NECAB2: variants seen among roughly 807,000 people sequenced by gnomAD.
The protein encoded by NECAB2 is N-terminal EF-hand calcium binding protein 2, also known as N-terminal EF-hand calcium-binding protein 2.
Under a neutral mutation model 51.9 loss-of-function variants are expected in NECAB2, and 68 were observed. The observed-to-expected ratio is 1.31, with a 90% confidence interval of 1.08 to 1.60. The LOEUF is 1.60. Ranked by LOEUF, NECAB2 falls within the 40% of genes most tolerant of loss-of-function variation. The probability of loss-of-function intolerance (pLI) is 0.00; values close to 1 mark genes in which losing one functional copy is unlikely to be tolerated. For missense variants in NECAB2, 854 were observed against 490.3 expected (o/e 1.74, Z -7.00); for synonymous variants, 329 against 203.5 (o/e 1.62, Z -5.25).
At chr16:83,989,794 C>T (rs772996290) in intron 5 of NECAB2, among the ~76,000 whole-genome samples, 1 of 152,204 alleles carries the variant, frequency 6.6e-6, no homozygotes, top group Non-Finnish European at 1.5e-5. Flanking sequence ...CTGTTCCACA[C>T]CACAGAGCAA....
intron 3 of NECAB2, 26 bp downstream of exon 3, chr16:83,978,578 G>GT: frequency 1.3e-6 from 2 of 1,575,884 alleles, no homozygotes; most frequent in Non-Finnish European, 1.7e-6. Context: ...GGCTGGCAGA[G>GT]TGGGGGTGTG....
At chr16:83,976,568 T>G (rs113425240) in intron 2 of NECAB2, among the ~76,000 whole-genome samples, 13 of 152,184 alleles carry the variant, frequency 8.5e-5, no homozygotes, top group African/African-American at 2.7e-4. Context: ...ATCTCGTGGC[T>G]GACTTTGCGG....
In NECAB2 at chr16:83,968,772, CG is replaced by C; in HGVS notation, c.127del (p.Glu43SerfsTer98). 9.1e-7 allele frequency: 1 copy of C among 1,099,788 alleles called. No individual in the cohort carries two copies. Among genetic ancestry groups the C allele is most frequent in the Non-Finnish European group, 1.1e-6 (1 of 905,930 alleles). 68.1% of individuals were successfully genotyped at this position (1,099,788 alleles called of 1,614,324 possible). On this transcript the variant is annotated frameshift_variant, in exon 1 of 13. Transcript: ENST00000305202. LOFTEE classifies it high-confidence loss of function. ...RWVGARMGEPRESLAPAAPAD... is the reference protein window; with the variant it reads ...RWVGARMGEPXESLAPAAPAD... ...GGTGGGCGCCAGGATGGGCGAGCCC[CG>C]GGAGTCGCTGGCCCCCGCCGCCCCC...
chr16:83,979,689 G>C (rs895899857), intron 3 of NECAB2, among the ~76,000 whole-genome samples: 2 of 151,982 alleles, frequency 1.3e-5, no homozygotes, highest in African/African-American at 4.8e-5. Context: ...TAGAGGAGGG[G>C]GTGGAGGCGG....
At chr16:83,984,645 C>A (rs1484306007) in intron 5 of NECAB2, among the ~76,000 whole-genome samples, 1 of 152,094 alleles carries the variant, frequency 6.6e-6, no homozygotes, top group East Asian at 1.9e-4. Flanking sequence ...GTGAGAGGAT[C>A]TCTGGAGCCT....
chr16:83,995,912 G>C (rs374770042), intron 8 of NECAB2, among the ~76,000 whole-genome samples: 1 of 152,198 alleles, frequency 6.6e-6, no homozygotes, highest in Non-Finnish European at 1.5e-5. Flanking sequence ...CGGGCGCCTC[G>C]GGAGGGAGAC....
At chr16:83,998,481 C>T (rs185364070) in intron 10 of NECAB2, among the ~76,000 whole-genome samples, 164 bp downstream of exon 10, 46 of 152,292 alleles carry the variant, frequency 3.0e-4, no homozygotes, top group African/African-American at 1.0e-3. Flanking sequence ...ACTGAGGTTC[C>T]TCCCAGCCAA....
At chr16:83,976,809 A>T (rs912631435) in intron 2 of NECAB2, among the ~76,000 whole-genome samples, 2 of 152,220 alleles carry the variant, frequency 1.3e-5, no homozygotes, top group Admixed American at 6.5e-5. Context: ...AAGTGGTGGC[A>T]TGAAACCTTG....
upstream of NECAB2, chr16:83,965,706 A>G: frequency 6.2e-7 from 1 of 1,613,644 alleles, no homozygotes; most frequent in South Asian, 1.1e-5. Context: ...GCCGTGTTCC[A>G]GGACCTCGAG....
intron 6 of NECAB2, 34 bp from the exon 7 acceptor site, chr16:83,994,267 GC>G: frequency 6.2e-7 from 1 of 1,604,302 alleles, no homozygotes; most frequent in Non-Finnish European, 8.5e-7. Flanking sequence ...TGAAGCCACC[GC>G]CATGGTCTGT....
intron 1 of NECAB2, among the ~76,000 whole-genome samples, chr16:83,970,729 T>A (rs1381488561): frequency 6.6e-6 from 1 of 152,152 alleles, no homozygotes; most frequent in Non-Finnish European, 1.5e-5. Context: ...CTCAGTACCC[T>A]CCTTGTTAAA....
intron 8 of NECAB2, among the ~76,000 whole-genome samples, chr16:83,995,800 C>T (rs1282147342): frequency 6.6e-6 from 1 of 152,216 alleles, no homozygotes; most frequent in Non-Finnish European, 1.5e-5. Context: ...CAAACTTCCC[C>T]TCCTGCAGGG....
upstream of NECAB2, among the ~76,000 whole-genome samples, chr16:83,967,999 TGGAC>T (rs2084306450): frequency 6.6e-6 from 1 of 150,968 alleles, no homozygotes; most frequent in Non-Finnish European, 1.5e-5. Context: ...GATGGATGGA[TGGAC>T]GGACAGGTGG....
At chr16:83,996,464 C>A (rs113549154) in intron 8 of NECAB2, among the ~76,000 whole-genome samples, 1 of 152,160 alleles carries the variant, frequency 6.6e-6, no homozygotes, top group Non-Finnish European at 1.5e-5. Flanking sequence ...TATTAGCTGG[C>A]GTGCTTTACC....
intron 3 of NECAB2, among the ~76,000 whole-genome samples, chr16:83,980,556 C>T (rs915520699): frequency 1.3e-5 from 2 of 152,104 alleles, no homozygotes; most frequent in Non-Finnish European, 2.9e-5. Context: ...CTTTCCTGGC[C>T]CCCAGCTTGG....
At chr16:83,971,930 G>C in intron 1 of NECAB2, 1 of 618,292 alleles carries the variant, frequency 1.6e-6, no homozygotes, top group South Asian at 2.0e-5. Context: ...GGTACTGGCA[G>C]CCGCTTCCAC....
chr16:83,966,284 C>T, upstream of NECAB2: 1 of 487,766 alleles, frequency 2.1e-6, no homozygotes, highest in South Asian at 4.0e-5. Context: ...AGACCTGCAG[C>T]CCTGCGCCTT....
intron 8 of NECAB2, among the ~76,000 whole-genome samples, chr16:83,996,580 G>C (rs991867787): frequency 6.6e-5 from 10 of 150,912 alleles, no homozygotes; most frequent in African/African-American, 2.2e-4. Context: ...GGAAGCAGCA[G>C]CATGAGCCTG....
intron 5 of NECAB2, among the ~76,000 whole-genome samples, chr16:83,984,721 C>T (rs1168401136): frequency 1.3e-5 from 2 of 152,008 alleles, no homozygotes; most frequent in African/African-American, 4.8e-5. Context: ...CAAGAGAAAC[C>T]CTGTCTCTCA....
Sources: allele counts gnomAD v4.1 joint callset (sites outside exome capture counted in the v4.1 genomes callset), GRCh38; gene constraint gnomAD v4.1.1; transcripts MANE v1.5; gene names NCBI Gene and HGNC (gene_info 2026-07-23, HGNC 2026-07-21).